The following STK35 variants were observed in gnomAD, a reference collection of about 807,000 sequenced individuals.
The protein encoded by STK35 is serine/threonine-protein kinase 35.
Under a neutral mutation model 37.3 loss-of-function variants are expected in STK35, and 17 were observed. The observed-to-expected ratio is 0.46, with a 90% CI of 0.31 to 0.68. The LOEUF is 0.68. Among genes scored for constraint, STK35 ranks in the 30% least tolerant of loss-of-function variants. The probability of loss-of-function intolerance (pLI) is 0.05; values close to 1 mark genes in which losing one functional copy is unlikely to be tolerated. For synonymous variants in STK35, 385 were observed against 319.1 expected (o/e 1.21, Z -2.20); for missense variants, 595 against 746.7 (o/e 0.80, Z 2.37).
At chr20:2,102,585 G>C (rs1211073625) in intron 1 of STK35, among the ~76,000 whole-genome samples, 183 bp from the exon 2 acceptor site, 1 of 152,230 alleles carries the variant, frequency 6.6e-6, no homozygotes, top group Admixed American at 6.5e-5. Context: ...CCCCCTCTGA[G>C]CTGCTGCCCA....
chr20:2,124,634 C>T (rs992844287), intron 3 of STK35, among the ~76,000 whole-genome samples: 2 of 152,132 alleles, frequency 1.3e-5, no homozygotes, highest in Non-Finnish European at 2.9e-5. Flanking sequence ...TTTGCCACAA[C>T]CCATCTCACT....
In STK35 at chr20:2,102,040, C is replaced by G; in HGVS notation, c.159C>G (p.Ser53=). Residue 53 remains serine, a synonymous_variant, in exon 1 of 4, where the codon TCC becomes TCG. Transcript: ENST00000381482. ...SPASAAAAEG[S]ATRRARAATS... is the part of the protein sequence containing the mutation. ...CGAGCGCCGCGGCAGCAGAAGGATC[C>G]GCTACACGCCGGGCTCGGGCCGCCA... 6.6e-7 allele frequency: 1 copy of G among 1,525,642 alleles called. No homozygotes were observed. Among genetic ancestry groups the G allele is most frequent in the Non-Finnish European group, 8.8e-7 (1 of 1,141,904 alleles). The allele number at this position is 1,525,642 out of a possible 1,614,324, so 94.5% of individuals were successfully genotyped here.
chr20:2,121,560 T>C (rs1436018553), intron 3 of STK35, among the ~76,000 whole-genome samples: 1 of 152,112 alleles, frequency 6.6e-6, no homozygotes, highest in Non-Finnish European at 1.5e-5. Context: ...CAACTACAGA[T>C]GTAGAGTAGG....
intron 3 of STK35, among the ~76,000 whole-genome samples, chr20:2,123,287 C>A (rs1985850258): frequency 6.6e-6 from 1 of 152,196 alleles, no homozygotes; most frequent in Non-Finnish European, 1.5e-5. Flanking sequence ...ATCTTGGTAG[C>A]TGCCTAACAT....
chr20:2,112,643 T>G (rs1985641944), intron 2 of STK35, among the ~76,000 whole-genome samples: 1 of 152,112 alleles, frequency 6.6e-6, no homozygotes, highest in African/African-American at 2.4e-5. Context: ...CAGCCTTAGT[T>G]GCCCCACCTG....
At position 2,146,939 on chromosome 20, in the gene STK35, C is replaced by T. The variant is rs1208080994; in HGVS notation, c.*3193C>T. The T allele has an allele frequency of 1.3e-5, 2 of 152,484 alleles. No individual in the cohort carries two copies. The highest frequency in any genetic ancestry group is 2.9e-5 in the Non-Finnish European group (2 of 68,062). The allele number at this position is 152,484 out of a possible 1,614,324, so 9.4% of individuals were successfully genotyped here. A position where few individuals can be genotyped will look rare whatever the true frequency, so the allele number is the denominator to read the frequency against. ...GGGGACTAAGGTTGCAGGCCTTAGC[C>T]TCGTCTCGTCCCAGAGGCATTGGAT... On this transcript the variant is annotated 3_prime_UTR_variant, in exon 4 of 4. Coordinates refer to ENST00000381482, the MANE Select transcript of STK35 (RefSeq NM_080836.4).
At chr20:2,137,914 C>T (rs1212362691) in intron 3 of STK35, among the ~76,000 whole-genome samples, 1 of 152,196 alleles carries the variant, frequency 6.6e-6, no homozygotes, top group Non-Finnish European at 1.5e-5. Flanking sequence ...CCGTCTGTGA[C>T]CCTGACAGAT....
rs771728341 is a variant in STK35, at chr20:2,101,987, G to A, written c.106G>A (p.Gly36Arg). 2.0e-6 allele frequency: 3 copies of A among 1,525,998 alleles called. No individual in the cohort carries two copies. The highest frequency in any genetic ancestry group is 1.4e-5 in the African/African-American group (1 of 72,210). 94.5% of individuals were successfully genotyped at this position (1,525,998 alleles called of 1,614,324 possible). A position where few individuals can be genotyped will look rare whatever the true frequency, so the allele number is the denominator to read the frequency against. The change falls in exon 1 of 4, where the codon GGG becomes AGG. Residue 36 changes from glycine (G) to arginine (R), a missense_variant. Around this residue, in one of 3 missense-constraint regions of STK35, gnomAD observed 389 missense variants for 320.0 expected, o/e 1.22. Coordinates refer to ENST00000381482, the MANE Select transcript of STK35 (RefSeq NM_080836.4). ...CTGGCGCGAACACGTGGAAAGCCAC[G>A]GGAGCCTAGGAGCCCAGGCTTCCCC... ...LSWREHVESHGSLGAQASPAS... is the reference protein window; with the variant it reads ...LSWREHVESHRSLGAQASPAS...
chr20:2,119,243 C>T (rs373386790), intron 3 of STK35, among the ~76,000 whole-genome samples: 15 of 152,236 alleles, frequency 9.9e-5, no homozygotes, highest in Admixed American at 2.0e-4. Context: ...ATTGACCTTT[C>T]GGGTGTTGAT....
At chr20:2,132,595 C>T (rs931685999) in intron 3 of STK35, among the ~76,000 whole-genome samples, 1 of 152,212 alleles carries the variant, frequency 6.6e-6, no homozygotes, top group Non-Finnish European at 1.5e-5. Context: ...AACTGTCAGT[C>T]CCCCAGGAGG....
chr20:2,114,483 G>T (rs915101846), intron 2 of STK35, among the ~76,000 whole-genome samples: 1 of 152,124 alleles, frequency 6.6e-6, no homozygotes, highest in Non-Finnish European at 1.5e-5. Context: ...ACAAATAGCT[G>T]CACTCCCAGT....
Position 2,102,913 on chromosome 20 carries a change from G to A in STK35, c.440G>A (p.Ser147Asn). ...GACGGCGCCCGCAGAGGTACACAAA[G>A]CCCGGAGCGGAAAAGGCGAAGCCCA... is the stretch of plus-strand genomic sequence containing the variant. ...GKDGARRGTQ[S>N]PERKRRSPVP... The change falls in exon 2 of 4, where the codon AGC becomes AAC. Residue 147 changes from serine to asparagine, a missense_variant. Physicochemically the swap from Ser to Asn is conservative, Grantham distance 46. Transcript: ENST00000381482. 1.9e-6 allele frequency: 3 copies of A among 1,556,600 alleles called. No homozygotes were observed. The highest frequency in any genetic ancestry group is 2.6e-6 in the Non-Finnish European group (3 of 1,160,006).
chr20:2,103,489 GAC>G, intron 2 of STK35, 124 bp downstream of exon 2: 1 of 887,214 alleles, frequency 1.1e-6, no homozygotes, highest in Non-Finnish European at 1.7e-6. Context: ...CCTGTGCCCT[GAC>G]ACACCCTCCT....
intron 2 of STK35, among the ~76,000 whole-genome samples, chr20:2,109,310 A>G (rs550167216): frequency 1.3e-5 from 2 of 152,342 alleles, no homozygotes; most frequent in South Asian, 2.1e-4. Context: ...GCCCATGCAT[A>G]TGGAGAGAGA....
At chr20:2,136,160 C>A (rs1399641449) in intron 3 of STK35, among the ~76,000 whole-genome samples, 1 of 152,174 alleles carries the variant, frequency 6.6e-6, no homozygotes, top group Admixed American at 6.5e-5. Flanking sequence ...TTCAAGGAAC[C>A]CCTCCACGTG....
chr20:2,109,171 C>CT (rs1325432457), intron 2 of STK35, among the ~76,000 whole-genome samples: 1 of 152,100 alleles, frequency 6.6e-6, no homozygotes, highest in Admixed American at 6.5e-5. Context: ...TCACTGCAGC[C>CT]TGTAAGAGGT....
intron 2 of STK35, among the ~76,000 whole-genome samples, chr20:2,116,410 C>T (rs1267984856): frequency 6.6e-6 from 1 of 152,080 alleles, no homozygotes; most frequent in East Asian, 1.9e-4. Context: ...TATAATGAAA[C>T]AAAAAGGCTT....
intron 3 of STK35, among the ~76,000 whole-genome samples, chr20:2,133,627 G>A (rs190773063): frequency 1.6e-4 from 25 of 152,324 alleles, no homozygotes; most frequent in African/African-American, 5.1e-4. Flanking sequence ...TGGGTTCTCA[G>A]ACGCAGACAA....
intron 3 of STK35, among the ~76,000 whole-genome samples, chr20:2,139,280 C>T (rs2122587466): frequency 6.6e-6 from 1 of 152,308 alleles, no homozygotes; most frequent in Non-Finnish European, 1.5e-5. Flanking sequence ...TCTTCTTAAA[C>T]AGACCAGACA....
Sources: gnomAD v4.1 joint callset for allele counts (sites outside exome capture counted in the v4.1 genomes callset) on GRCh38, gnomAD v4.1.1 for gene constraint, gnomAD v4.1.1 regional missense constraint, MANE v1.5 for transcripts, NCBI Gene and HGNC (gene_info 2026-07-23, HGNC 2026-07-21) for gene names.